LRRN1: variants seen among roughly 807,000 people sequenced by gnomAD.
The protein encoded by LRRN1 is leucine rich repeat neuronal 1, also known as leucine-rich repeat neuronal protein 1.
LRRN1 carries 14 observed loss-of-function variants against 45.8 expected under a neutral mutation model. That is an observed-to-expected ratio of 0.31 (90% CI 0.20 to 0.48). LRRN1 has a LOEUF of 0.48. LRRN1 is among the 20% of genes least tolerant of loss of function. The probability of loss-of-function intolerance (pLI) is 0.99; values close to 1 mark genes in which losing one functional copy is unlikely to be tolerated. For missense variants in LRRN1, 789 were observed against 874.2 expected, an observed-to-expected ratio of 0.90 and a Z score of 1.23; for synonymous variants, 359 against 330.1, an observed-to-expected ratio of 1.09 and a Z score of -0.95.
At chr3:3,825,376 C>G (rs574597836) in intron 1 of LRRN1, among the ~76,000 whole-genome samples, 5 of 152,280 alleles carry the variant, frequency 3.3e-5, no homozygotes, top group African/African-American at 9.6e-5. Context: ...ATGGATTTGC[C>G]CTTGCCTGAA....
intron 1 of LRRN1, among the ~76,000 whole-genome samples, chr3:3,837,166 G>T (rs944769809): frequency 6.6e-6 from 1 of 152,218 alleles, no homozygotes; most frequent in Non-Finnish European, 1.5e-5. Context: ...AGACGCTGGG[G>T]AAGATGCCGG....
intron 1 of LRRN1, among the ~76,000 whole-genome samples, chr3:3,824,485 A>G (rs1693173675): frequency 6.6e-6 from 1 of 152,016 alleles, no homozygotes; most frequent in African/African-American, 2.4e-5. Context: ...ATTACAATCA[A>G]TTTACTGCCA....
intron 1 of LRRN1, among the ~76,000 whole-genome samples, chr3:3,834,724 A>T (rs1693469760): frequency 6.6e-6 from 1 of 151,132 alleles, no homozygotes; most frequent in South Asian, 2.1e-4. Flanking sequence ...AAACTGAAGA[A>T]CTTGGAGTCT....
rs547815337 is a variant in LRRN1, at chr3:3,846,950, G to T, written c.*158G>T. The T allele has an allele frequency of 5.1e-6, 3 of 585,062 alleles. No individual in the cohort carries two copies. The highest frequency in any genetic ancestry group is 3.4e-5 in the Admixed American group (1 of 28,992). The allele number at this position is 585,062 out of a possible 1,614,324, so 36.2% of individuals were successfully genotyped here. A position where few individuals can be genotyped will look rare whatever the true frequency, so the allele number is the denominator to read the frequency against. ...ATATTTCAAATTTTTTTAGTATAGC[G>T]TATCGCAAGGGTTTGACACGGCTGC... On this transcript the variant is annotated 3_prime_UTR_variant, in exon 2 of 2. Transcript: ENST00000319331. The surrounding 1 kb of genome is among the most constrained non-coding windows in gnomAD (Gnocchi z 5.7).
intron 1 of LRRN1, among the ~76,000 whole-genome samples, chr3:3,835,762 GA>G (rs1224341158): frequency 6.6e-6 from 1 of 151,992 alleles, no homozygotes; most frequent in Non-Finnish European, 1.5e-5. Context: ...ATGCTATGGG[GA>G]AAGTGAGAGT....
chr3:3,830,477 G>A (rs1693342546), intron 1 of LRRN1, among the ~76,000 whole-genome samples: 1 of 152,214 alleles, frequency 6.6e-6, no homozygotes, highest in Non-Finnish European at 1.5e-5. Flanking sequence ...CTTTAGGGAT[G>A]TCCTAAAAAG....
At chr3:3,829,777 C>T (rs1307904774) in intron 1 of LRRN1, among the ~76,000 whole-genome samples, 2 of 152,170 alleles carry the variant, frequency 1.3e-5, no homozygotes, top group East Asian at 1.9e-4. Context: ...TAAGGCTTTC[C>T]GTGAGTCCAC....
At chr3:3,839,147 A>C (rs1693590650) in intron 1 of LRRN1, among the ~76,000 whole-genome samples, 1 of 152,144 alleles carries the variant, frequency 6.6e-6, no homozygotes, top group Admixed American at 6.5e-5. Flanking sequence ...TCTTATGGTT[A>C]GGTCTTTAAT....
At chr3:3,835,082 C>T (rs750410032) in intron 1 of LRRN1, among the ~76,000 whole-genome samples, 2 of 152,032 alleles carry the variant, frequency 1.3e-5, no homozygotes, top group Admixed American at 6.6e-5. Flanking sequence ...TATACTTAGC[C>T]TTAAGTTTAG....
At chr3:3,806,435 T>A (rs1248284501) in intron 1 of LRRN1, among the ~76,000 whole-genome samples, 1 of 152,212 alleles carries the variant, frequency 6.6e-6, no homozygotes, top group East Asian at 1.9e-4. Flanking sequence ...AGGAGACGAT[T>A]TTCCATCTAG....
rs569115333 is a variant in LRRN1, at chr3:3,810,788, C to T, written c.-279+10869C>T. Among the ~76,000 whole-genome samples the T allele has an allele frequency of 7.9e-5, 12 of 152,294 alleles. No homozygotes were observed. In the East Asian group the frequency reaches 2.1e-3, roughly 27 times the overall value. On this transcript the variant is annotated intron_variant, in intron 1 of 1. Transcript: ENST00000319331. ...AGGTGTGATCCTTAGGGAGATGAAC[C>T]CACAGAGGCCAGTTGCTATGAGTTG...
At chr3:3,815,013 T>C (rs1240513749) in intron 1 of LRRN1, among the ~76,000 whole-genome samples, 1 of 152,202 alleles carries the variant, frequency 6.6e-6, no homozygotes, top group Non-Finnish European at 1.5e-5. Flanking sequence ...ATCTGTTTTC[T>C]TCTAAGTCTC....
intron 1 of LRRN1, among the ~76,000 whole-genome samples, chr3:3,813,986 G>C (rs1235546009): frequency 6.6e-6 from 1 of 151,880 alleles, no homozygotes; most frequent in Non-Finnish European, 1.5e-5. Context: ...GCTCAACCTT[G>C]AAATTATTTG....
intron 1 of LRRN1, among the ~76,000 whole-genome samples, chr3:3,806,961 C>T (rs1169722240): frequency 1.3e-5 from 2 of 152,186 alleles, no homozygotes; most frequent in African/African-American, 2.4e-5. Context: ...AGACCTGAGA[C>T]TCCTGTCTCT....
chr3:3,833,698 G>A (rs1317927482), intron 1 of LRRN1, among the ~76,000 whole-genome samples: 1 of 152,186 alleles, frequency 6.6e-6, no homozygotes, highest in Non-Finnish European at 1.5e-5. Context: ...CCTCAGGAGA[G>A]AGGCCATCAC....
chr3:3,849,609 C>A lies in LRRN1; in HGVS notation c.*2817C>A, dbSNP rs1284785782. On this transcript the variant is annotated 3_prime_UTR_variant, in exon 2 of 2. Transcript: ENST00000319331. The stretch of plus-strand genomic sequence containing the variant: ...ATATTTTCCCTTTTGCTTTCTGCTG[C>A]CTTCAGGGTATATAGTGTATCTCTA... Among the ~76,000 whole-genome samples, 2 of 152,150 alleles carry A rather than the reference C, an allele frequency of 1.3e-5. No homozygotes were observed. The highest frequency in any genetic ancestry group is 4.8e-5 in the African/African-American group (2 of 41,438).
Position 3,845,138 on chromosome 3 carries a change from T to TA in LRRN1, c.503dup (p.Asn168LysfsTer16), listed in dbSNP as rs754860129. On this transcript the variant is annotated frameshift_variant, in exon 2 of 2. Coordinates refer to ENST00000319331, the MANE Select transcript of LRRN1 (RefSeq NM_020873.7). LOFTEE classifies it high-confidence loss of function. This position sits in a 1 kb window ranked among gnomAD's most constrained non-coding sequence, Gnocchi z 6.5. ...ATTTCTGCTCATGCTTTTGCAGGCT[T>TA]AAAAAATCTATTAAGGCTCCACCTG... The TA allele has an allele frequency of 3.7e-6, 6 of 1,614,132 alleles. No individual in the cohort carries two copies. The Admixed American group carries it at 5.0e-5, about 13-fold the overall frequency.
Position 3,842,769 on chromosome 3 carries a change from C to A in LRRN1, c.-278-1595C>A, listed in dbSNP as rs73806440. Reference sequence around the variant, plus strand: ...GACAAACACCAGGAAACATGTAACTCTGCTTCGAATACTTTAGCAAGTGAA... The same window carrying A: ...GACAAACACCAGGAAACATGTAACTATGCTTCGAATACTTTAGCAAGTGAA... On this transcript the variant is annotated intron_variant, in intron 1 of 1. Transcript: ENST00000319331. 4.6e-3 allele frequency among the ~76,000 whole-genome samples: 693 copies of A among 152,288 alleles called. 9 individuals carry two copies. Among genetic ancestry groups the A allele is most frequent in the African/African-American group, 0.016 (648 of 41,546 alleles).
intron 1 of LRRN1, among the ~76,000 whole-genome samples, chr3:3,839,352 T>G (rs1693595742): frequency 6.6e-6 from 1 of 152,168 alleles, no homozygotes; most frequent in African/African-American, 2.4e-5. Flanking sequence ...TTGGTCTGTA[T>G]GTCTGCCTTT....
Sources: gnomAD v4.1 joint callset for allele counts (sites outside exome capture counted in the v4.1 genomes callset) on GRCh38, gnomAD v4.1.1 for gene constraint, Gnocchi (gnomAD v3.1) non-coding constraint, MANE v1.5 for transcripts, NCBI Gene and HGNC (gene_info 2026-07-23, HGNC 2026-07-21) for gene names.